The following NKAIN2 variants were observed in gnomAD, a reference collection of about 807,000 sequenced individuals.
NKAIN2 encodes the protein sodium/potassium transporting ATPase interacting 2.
Under a neutral mutation model 32.6 loss-of-function variants are expected in NKAIN2, and 14 were observed. The observed-to-expected ratio is 0.43, with a 90% CI of 0.28 to 0.67. NKAIN2 has a LOEUF of 0.67. NKAIN2 is among the 30% of genes least tolerant of loss of function. The probability of loss-of-function intolerance (pLI) is 0.17; values close to 1 mark genes in which losing one functional copy is unlikely to be tolerated. For missense variants in NKAIN2, 198 were observed against 258.3 expected, an observed-to-expected ratio of 0.77 and a Z score of 1.60; for synonymous variants, 80 against 87.2, an observed-to-expected ratio of 0.92 and a Z score of 0.46.
intron 4 of NKAIN2, among the ~76,000 whole-genome samples, chr6:124,728,046 G>A (rs1223901748): frequency 2.9e-4 from 44 of 151,502 alleles, no homozygotes; most frequent in Admixed American, 5.3e-4. Flanking sequence ...AGGAGCACCC[G>A]GATTAATAAA....
chr6:124,219,792 G>A (rs1791711905), intron 1 of NKAIN2, among the ~76,000 whole-genome samples: 2 of 152,094 alleles, frequency 1.3e-5, no homozygotes, highest in Admixed American at 6.6e-5. Context: ...CAGTGAAATG[G>A]TTGAAAGCTG....
At chr6:124,744,054 T>C (rs980460322) in intron 4 of NKAIN2, among the ~76,000 whole-genome samples, 30 of 151,930 alleles carry the variant, frequency 2.0e-4, no homozygotes, top group African/African-American at 7.0e-4. Context: ...AAGCAAGTTA[T>C]AGTAAGAAAA....
At chr6:124,759,643 ACACACACACACACC>A (rs879397563) in intron 4 of NKAIN2, among the ~76,000 whole-genome samples, 2,506 of 90,602 alleles carry the variant, frequency 0.028, 151 homozygotes, top group Non-Finnish European at 0.036. Context: ...ACACACACAC[ACACACACACACACC>A]CCCTATCTCC....
At chr6:124,396,449 A>T (rs1167770024) in intron 3 of NKAIN2, among the ~76,000 whole-genome samples, 1 of 151,438 alleles carries the variant, frequency 6.6e-6, no homozygotes. Context: ...AAAAGAAAAG[A>T]AAAAAAGAGA....
chr6:123,900,532 G>GGTTTTTTTTT (rs1774516637), intron 1 of NKAIN2, among the ~76,000 whole-genome samples: 1 of 32,790 alleles, frequency 3.0e-5, no homozygotes, highest in Non-Finnish European at 1.1e-4. Flanking sequence ...CTCCAGATTA[G>GGTTTTTTTTT]TTTTTTTTTT....
intron 3 of NKAIN2, among the ~76,000 whole-genome samples, chr6:124,528,671 G>T (rs2114815172): frequency 6.6e-6 from 1 of 152,200 alleles, no homozygotes. Context: ...TAACACTGCT[G>T]CATCTTTAAA....
intron 4 of NKAIN2, among the ~76,000 whole-genome samples, chr6:124,703,555 G>A (rs1774905315): frequency 6.6e-6 from 1 of 151,930 alleles, no homozygotes; most frequent in African/African-American, 2.4e-5. Flanking sequence ...CTGTAGACAA[G>A]AGAACAAGAG....
At position 124,138,432 on chromosome 6, in the gene NKAIN2, ATTTTT is replaced by A. The variant is rs1562379728; in HGVS notation, c.55-144571_55-144567del. Among the ~76,000 whole-genome samples, 3 of 152,188 alleles carry A rather than the reference ATTTTT, an allele frequency of 2.0e-5. No individual in the cohort carries two copies. The South Asian group carries it at 6.2e-4, about 32-fold the overall frequency. On this transcript the variant is annotated intron_variant, in intron 1 of 6. Transcript: ENST00000368417. ...AAACACTATGGAAAACAGTATGGAAATTTTTTAAAGAACTAAAAGTAGAACTACCA... is the reference window on the plus strand; with the variant it reads ...AAACACTATGGAAAACAGTATGGAAATAAAGAACTAAAAGTAGAACTACCA...
chr6:124,228,775 A>T (rs1792261539), intron 1 of NKAIN2, among the ~76,000 whole-genome samples: 1 of 152,160 alleles, frequency 6.6e-6, no homozygotes, highest in Non-Finnish European at 1.5e-5. Flanking sequence ...AATGAAGTCA[A>T]TTTTTAATGT....
At chr6:124,101,623 A>G (rs1041480094) in intron 1 of NKAIN2, among the ~76,000 whole-genome samples, 1 of 152,098 alleles carries the variant, frequency 6.6e-6, no homozygotes, top group Non-Finnish European at 1.5e-5. Context: ...CATTGGGACT[A>G]AGAACCAACC....
At chr6:124,625,377 C>T (rs1783278710) in intron 3 of NKAIN2, among the ~76,000 whole-genome samples, 1 of 152,114 alleles carries the variant, frequency 6.6e-6, no homozygotes, top group Admixed American at 6.6e-5. Context: ...GCCAGGTACC[C>T]AGAGGAGATG....
At chr6:124,296,109 T>G (rs1361779307) in intron 2 of NKAIN2, among the ~76,000 whole-genome samples, 1 of 152,162 alleles carries the variant, frequency 6.6e-6, no homozygotes, top group Non-Finnish European at 1.5e-5. Flanking sequence ...ACAATTGCAT[T>G]CTCTTTCACA....
intron 3 of NKAIN2, among the ~76,000 whole-genome samples, chr6:124,608,779 G>A (rs926766956): frequency 2.0e-5 from 3 of 152,066 alleles, no homozygotes; most frequent in Admixed American, 6.6e-5. Context: ...ACCTCACTCG[G>A]GGCAACAGAA....
chr6:124,285,048 C>G (rs925793778), intron 2 of NKAIN2, among the ~76,000 whole-genome samples: 5 of 152,106 alleles, frequency 3.3e-5, no homozygotes, highest in African/African-American at 1.2e-4. Context: ...ACACCTTTAA[C>G]ATTGTTAGAA....
chr6:124,275,210 T>C (rs2114893091), intron 1 of NKAIN2, among the ~76,000 whole-genome samples: 1 of 152,246 alleles, frequency 6.6e-6, no homozygotes, highest in African/African-American at 2.4e-5. Context: ...TATTTAGAAT[T>C]ATATATAAAT....
rs531774591 is a variant in NKAIN2 at position 124,562,593 on chromosome 6, A to C, written c.274-95593A>C. On this transcript the variant is annotated intron_variant, in intron 3 of 6. Coordinates refer to ENST00000368417, the MANE Select transcript of NKAIN2 (RefSeq NM_001040214.3). ...ATTACCATATTAAAAATTAAAACTT[A>C]AAATGTTCAAAATTTTTATTTATCA... Among the ~76,000 whole-genome samples the C allele has an allele frequency of 2.0e-5, 3 of 152,338 alleles. No individual in the cohort carries two copies. In the South Asian group the frequency reaches 6.2e-4, roughly 32 times the overall value.
At position 124,249,617 on chromosome 6, in the gene NKAIN2, G is replaced by A. The variant is rs9375314; in HGVS notation, c.55-33388G>A. Reference sequence around the variant, plus strand: ...TAAAAATCTGTTTAAATGCACTTTGGGGCCAGCACACACACACACGCACAA... The same window carrying A: ...TAAAAATCTGTTTAAATGCACTTTGAGGCCAGCACACACACACACGCACAA... On this transcript the variant is annotated intron_variant, in intron 1 of 6. Coordinates refer to ENST00000368417, the MANE Select transcript of NKAIN2 (RefSeq NM_001040214.3). Among the ~76,000 whole-genome samples the A allele has an allele frequency of 4.7e-5, 7 of 149,086 alleles. No homozygotes were observed. The East Asian group carries it at 1.4e-3, about 29-fold the overall frequency.
At chr6:124,058,343 T>G (rs1782765455) in intron 1 of NKAIN2, among the ~76,000 whole-genome samples, 2 of 151,840 alleles carry the variant, frequency 1.3e-5, no homozygotes, top group Non-Finnish European at 2.9e-5. Flanking sequence ...TTAGAAAAAT[T>G]ATATGAAGAA....
chr6:123,878,914 A>G (rs1410218483), intron 1 of NKAIN2, among the ~76,000 whole-genome samples: 1 of 152,132 alleles, frequency 6.6e-6, no homozygotes, highest in Admixed American at 6.6e-5. Context: ...TGACTTCTGC[A>G]TGGTTGATTT....
Sources: allele counts gnomAD v4.1 joint callset (sites outside exome capture counted in the v4.1 genomes callset), GRCh38; gene constraint gnomAD v4.1.1; transcripts MANE v1.5; gene names NCBI Gene and HGNC (gene_info 2026-07-23, HGNC 2026-07-21).